PTGER3: variants seen among roughly 807,000 people sequenced by gnomAD.
PTGER3 encodes the protein prostaglandin E2 receptor EP3 subtype.
Under a neutral mutation model 34.7 loss-of-function variants are expected in PTGER3, and 22 were observed. That is an observed-to-expected ratio of 0.63 (90% CI 0.45 to 0.91). The LOEUF (loss-of-function observed/expected upper bound fraction) is 0.91, where lower values mean the gene tolerates loss of function less well. Ranked by LOEUF, PTGER3 falls within the 40% of genes least tolerant of loss-of-function variation. The pLI, the probability that PTGER3 is intolerant of heterozygous loss-of-function variation, is 0.00. For missense variants in PTGER3, 468 were observed against 519.4 expected, an observed-to-expected ratio of 0.90 and a Z score of 0.96; for synonymous variants, 241 against 230.1, an observed-to-expected ratio of 1.05 and a Z score of -0.43.
chr1:70,891,138 G>A (rs1396253877), intron 4 of PTGER3, among the ~76,000 whole-genome samples: 7 of 152,156 alleles, frequency 4.6e-5, no homozygotes, highest in Non-Finnish European at 7.4e-5. Context: ...CAATTCCACT[G>A]TCATAAAACT....
chr1:70,987,750 A>C (rs534026118), intron 2 of PTGER3, among the ~76,000 whole-genome samples: 1 of 152,322 alleles, frequency 6.6e-6, no homozygotes, highest in Non-Finnish European at 1.5e-5. Flanking sequence ...AGCTAGTGTG[A>C]CACTGCCATA....
intron 4 of PTGER3, among the ~76,000 whole-genome samples, chr1:70,853,930 A>C (rs1024014889): frequency 1.3e-5 from 2 of 152,210 alleles, no homozygotes; most frequent in African/African-American, 4.8e-5. Context: ...CATGCAAAAG[A>C]ATGAAGTCGG....
At chr1:70,965,208 G>A (rs1199236568) in intron 2 of PTGER3, among the ~76,000 whole-genome samples, 1 of 152,128 alleles carries the variant, frequency 6.6e-6, no homozygotes, top group African/African-American at 2.4e-5. Flanking sequence ...AAGCTCTGTG[G>A]ACTAAGTTTA....
At chr1:70,867,306 G>A (rs1306368692) in intron 4 of PTGER3, among the ~76,000 whole-genome samples, 3 of 152,112 alleles carry the variant, frequency 2.0e-5, no homozygotes, top group Non-Finnish European at 4.4e-5. Flanking sequence ...CCTTTATTAT[G>A]GCACTTATCA....
intron 1 of PTGER3, among the ~76,000 whole-genome samples, chr1:71,027,389 C>T (rs1225441527): frequency 6.6e-6 from 1 of 152,118 alleles, no homozygotes; most frequent in African/African-American, 2.4e-5. Context: ...TCTTGAACTC[C>T]TAGCCTCAAG....
At chr1:70,882,811 T>A (rs776080430) in intron 4 of PTGER3, among the ~76,000 whole-genome samples, 4 of 152,206 alleles carry the variant, frequency 2.6e-5, no homozygotes, top group Non-Finnish European at 5.9e-5. Context: ...TAAGCCAAGA[T>A]AGGCTGGTGT....
intron 4 of PTGER3, among the ~76,000 whole-genome samples, chr1:70,926,471 G>T (rs1648097813): frequency 6.6e-6 from 1 of 151,932 alleles, no homozygotes; most frequent in Non-Finnish European, 1.5e-5. Context: ...TCATGATTTG[G>T]CTCTCTGTTT....
intron 4 of PTGER3, among the ~76,000 whole-genome samples, chr1:70,902,346 A>G (rs1646858574): frequency 6.6e-6 from 1 of 152,204 alleles, no homozygotes. Flanking sequence ...ACACGGTTCC[A>G]TGAGGTTCAC....
intron 1 of PTGER3, among the ~76,000 whole-genome samples, chr1:71,030,398 A>G (rs982491864): frequency 3.3e-5 from 5 of 152,210 alleles, no homozygotes; most frequent in Admixed American, 3.3e-4. Context: ...GAACTGTCAA[A>G]ACAAAGTTTC....
At chr1:70,901,906 A>G (rs1175729420) in intron 4 of PTGER3, among the ~76,000 whole-genome samples, 1 of 152,186 alleles carries the variant, frequency 6.6e-6, no homozygotes, top group African/African-American at 2.4e-5. Flanking sequence ...AACTTCAAAA[A>G]TATCAGCCTA....
Position 70,915,214 on chromosome 1 carries a change from A to T in PTGER3, c.*23+38549T>A, listed in dbSNP as rs1005072812. Among the ~76,000 whole-genome samples the T allele has an allele frequency of 1.6e-4, 25 of 152,066 alleles. 1 individual carries two copies. The highest frequency in any genetic ancestry group is 6.0e-4 in the African/African-American group (25 of 41,548). On this transcript the variant is annotated intron_variant, in intron 4 of 4. Transcript: ENST00000370931. ...GTGAGCTTCAAACTTAGATTTTTTTAAATTGTCATTTTCTGTTACAATCAA... is the reference window on the plus strand; with the variant it reads ...GTGAGCTTCAAACTTAGATTTTTTTTAATTGTCATTTTCTGTTACAATCAA...
chr1:70,894,965 T>G (rs1363173312), intron 4 of PTGER3, among the ~76,000 whole-genome samples: 1 of 152,144 alleles, frequency 6.6e-6, no homozygotes, highest in East Asian at 1.9e-4. Flanking sequence ...CTCTCAAAGG[T>G]TTTCTCTTGA....
intron 4 of PTGER3, among the ~76,000 whole-genome samples, chr1:70,885,549 T>C (rs1314360054): frequency 1.3e-5 from 2 of 152,090 alleles, no homozygotes; most frequent in African/African-American, 4.8e-5. Context: ...ATACAAAATA[T>C]AAGTGGAGAT....
chr1:71,004,554 T>C (rs1656770770), intron 2 of PTGER3, among the ~76,000 whole-genome samples: 1 of 152,216 alleles, frequency 6.6e-6, no homozygotes, highest in Non-Finnish European at 1.5e-5. Context: ...AGGAAATAGT[T>C]TGATAAATTA....
At chr1:70,877,592 G>T (rs528044318) in intron 4 of PTGER3, among the ~76,000 whole-genome samples, 1 of 152,262 alleles carries the variant, frequency 6.6e-6, no homozygotes, top group Non-Finnish European at 1.5e-5. Context: ...CTATGCGTTT[G>T]TCATAGATGG....
chr1:70,878,193 A>G (rs1341551773), intron 4 of PTGER3, among the ~76,000 whole-genome samples: 3 of 151,974 alleles, frequency 2.0e-5, no homozygotes, highest in African/African-American at 7.2e-5. Flanking sequence ...TCCTAGTTCA[A>G]TCTTGGGAGG....
chr1:71,046,925 C>A lies in PTGER3; in HGVS notation c.653G>T (p.Gly218Val), dbSNP rs774915619. 1 of 1,609,362 alleles carries A rather than the reference C, an allele frequency of 6.2e-7. No homozygotes were observed. Among genetic ancestry groups the A allele is most frequent in the South Asian group, 1.1e-5 (1 of 90,154 alleles). The change falls in exon 1 of 4, where the codon GGG becomes GTG. Residue 218 changes from glycine to valine, a missense_variant. Physicochemically the swap from Gly to Val is moderately radical, Grantham distance 109 (BLOSUM62 -3). Transcript: ENST00000306666. Reference protein sequence around the residue: ...CFISTGRGGNGTSSSHNWGNL... With the variant: ...CFISTGRGGNVTSSSHNWGNL... The stretch of plus-strand genomic sequence containing the variant: ...GCCCCAGTTATGCGAAGAGCTAGTC[C>A]CGTTGCCCCCTCGCCCGGTGCTGAT...
chr1:71,018,079 T>C (rs1658073089), intron 1 of PTGER3, among the ~76,000 whole-genome samples: 1 of 152,098 alleles, frequency 6.6e-6, no homozygotes, highest in South Asian at 2.1e-4. Context: ...GGTAGTTCTT[T>C]ACAGCAAGTC....
intron 4 of PTGER3, among the ~76,000 whole-genome samples, chr1:70,923,714 T>C (rs1647777698): frequency 6.6e-6 from 1 of 152,218 alleles, no homozygotes; most frequent in African/African-American, 2.4e-5. Context: ...TTAAGCTATT[T>C]GTAGCTTGTA....
Sources: allele counts gnomAD v4.1 joint callset (sites outside exome capture counted in the v4.1 genomes callset), GRCh38; gene constraint gnomAD v4.1.1; transcripts MANE v1.5; gene names NCBI Gene and HGNC (gene_info 2026-07-23, HGNC 2026-07-21).